Variants in ABCC4 observed in about 807,000 individuals in gnomAD.
The protein encoded by ABCC4 is ATP binding cassette subfamily C member 4 (PEL blood group).
In ABCC4, 102 loss-of-function variants were observed where a neutral mutation model predicts 168.5. That is an observed-to-expected ratio of 0.61 (90% confidence interval 0.52 to 0.71). The LOEUF (loss-of-function observed/expected upper bound fraction) is 0.71. Ranked by LOEUF, ABCC4 falls within the 30% of genes least tolerant of loss-of-function variation. The pLI is 0.00. For synonymous variants in ABCC4, 617 were observed against 590.7 expected (o/e 1.04, Z -0.65); for missense variants, 1,402 against 1,605.8 (o/e 0.87, Z 2.17).
At position 95,161,335 on chromosome 13, in the gene ABCC4, C is replaced by G. The variant is rs1387188027; in HGVS notation, c.2309G>C (p.Gly770Ala). Reference protein sequence around the residue: ...DLNWYLGIYSGLTVATVLFGI... With the variant: ...DLNWYLGIYSALTVATVLFGI... ...AAAAAGAACGGTAGCTACAGTTAAA[C>G]CTGAAATAAAGAAATATCACTTAGA... Residue 770 changes from glycine to alanine, a missense_variant and splice_region_variant, in exon 19 of 31, where the codon GGT becomes GCT. Around this residue, in one of 3 missense-constraint regions of ABCC4, gnomAD observed 1,007 missense variants for 1,127.3 expected, o/e 0.89. Transcript: ENST00000645237. 5.7e-6 allele frequency: 9 copies of G among 1,571,716 alleles called. No individual in the cohort carries two copies. Among genetic ancestry groups the G allele is most frequent in the Non-Finnish European group, 7.7e-6 (9 of 1,164,414 alleles).
chr13:95,193,256 C>T (rs1320492719), intron 9 of ABCC4, among the ~76,000 whole-genome samples: 1 of 152,226 alleles, frequency 6.6e-6, no homozygotes, highest in Non-Finnish European at 1.5e-5. Context: ...CTCCAGCAAA[C>T]TACGCTACAA....
rs1354272380 is a variant in ABCC4 at position 95,029,984 on chromosome 13, T to TGTCTATCCATCC, written c.3870+4620_3870+4621insGGATGGATAGAC. On this transcript the variant is annotated intron_variant, in intron 30 of 30. Transcript: ENST00000645237. ...ATCCAGGATGTCAGGACTTCTTGTC[T>TGTCTATCCATCC]ATCTATCCATCCATCCATCCATCCA... Among the ~76,000 whole-genome samples, 508 of 85,692 alleles carry TGTCTATCCATCC rather than the reference T, an allele frequency of 5.9e-3. 5 individuals are homozygous for TGTCTATCCATCC. Among genetic ancestry groups the TGTCTATCCATCC allele is most frequent in the African/African-American group, 0.018 (480 of 26,164 alleles). The allele number at this position is 85,692 out of a possible 152,430, so 56.2% of individuals were successfully genotyped here.
At chr13:95,139,502 C>A (rs2036247162) in intron 19 of ABCC4, among the ~76,000 whole-genome samples, 4 of 152,192 alleles carry the variant, frequency 2.6e-5, no homozygotes, top group Admixed American at 2.6e-4. Context: ...ACACCCACAG[C>A]CCCAGGAGCC....
At chr13:95,234,517 G>T in intron 4 of ABCC4, 93 bp downstream of exon 4, 1 of 1,029,208 alleles carries the variant, frequency 9.7e-7, no homozygotes, top group Non-Finnish European at 1.5e-6. Flanking sequence ...GAGTGCAGTG[G>T]CTATTTATGC....
chr13:95,166,518 T>C (rs2037277409), intron 14 of ABCC4, 151 bp from the exon 15 acceptor site: 1 of 668,520 alleles, frequency 1.5e-6, no homozygotes, highest in Non-Finnish European at 2.5e-6. Context: ...CAATTCAACT[T>C]GATACACAAC....
At position 95,247,549 on chromosome 13, in the gene ABCC4, G is replaced by A. The variant is rs565623635; in HGVS notation, c.185+94C>T. ...ACACATATTCACCTTAAGGGTAAAC[G>A]GAGGCTCCAGACAGGACCCAGGAAG... is the stretch of plus-strand genomic sequence containing the variant. On this transcript the variant is annotated intron_variant, in intron 2 of 30. Transcript: ENST00000645237. 2.5e-5 allele frequency: 23 copies of A among 905,422 alleles called. No homozygotes were observed. In the East Asian group the frequency reaches 2.7e-4, roughly 11 times the overall value. 56.1% of individuals were successfully genotyped at this position (905,422 alleles called of 1,614,324 possible).
At chr13:95,159,516 G>C (rs1269576743) in intron 19 of ABCC4, among the ~76,000 whole-genome samples, 2 of 152,118 alleles carry the variant, frequency 1.3e-5, no homozygotes, top group Non-Finnish European at 1.5e-5. Flanking sequence ...TCAGCATGAG[G>C]AGAAGCCCAC....
chr13:95,080,725 G>A (rs1041277172), intron 21 of ABCC4, among the ~76,000 whole-genome samples: 16 of 152,094 alleles, frequency 1.1e-4, no homozygotes, highest in African/African-American at 3.1e-4. Flanking sequence ...CACCCACCTC[G>A]GCCTCCCAAA....
intron 1 of ABCC4, among the ~76,000 whole-genome samples, chr13:95,290,113 T>C (rs866053846): frequency 5.4e-5 from 8 of 149,016 alleles, no homozygotes; most frequent in African/African-American, 1.2e-4. Context: ...AATAGATAGA[T>C]AGATAGATAG....
At chr13:95,285,260 A>T (rs2041231443) in intron 1 of ABCC4, among the ~76,000 whole-genome samples, 1 of 151,736 alleles carries the variant, frequency 6.6e-6, no homozygotes, top group South Asian at 2.1e-4. Flanking sequence ...AAATAAATAA[A>T]TAAATAGGGG....
chr13:95,268,883 C>T (rs964460085), intron 1 of ABCC4, among the ~76,000 whole-genome samples: 14 of 152,042 alleles, frequency 9.2e-5, no homozygotes, highest in Non-Finnish European at 1.8e-4. Context: ...TTCTGAGCGG[C>T]GGTCCCCTGG....
chr13:95,085,850 A>G (rs1375929069), intron 20 of ABCC4, among the ~76,000 whole-genome samples: 1 of 152,164 alleles, frequency 6.6e-6, no homozygotes, highest in Admixed American at 6.5e-5. Flanking sequence ...CTTCACTCTC[A>G]TATCTAAATA....
At chr13:95,027,479 C>A (rs1227932292) in intron 30 of ABCC4, among the ~76,000 whole-genome samples, 1 of 152,170 alleles carries the variant, frequency 6.6e-6, no homozygotes, top group Non-Finnish European at 1.5e-5. Context: ...GATTCCACAG[C>A]ACCACTAGTG....
intron 13 of ABCC4, among the ~76,000 whole-genome samples, chr13:95,172,359 A>C (rs2037505354): frequency 6.6e-6 from 1 of 152,190 alleles, no homozygotes; most frequent in Non-Finnish European, 1.5e-5. Flanking sequence ...AGGCAGACAG[A>C]TCACTTGAGG....
chr13:95,110,273 C>T (rs2035158276), intron 20 of ABCC4, among the ~76,000 whole-genome samples: 2 of 142,552 alleles, frequency 1.4e-5, no homozygotes, highest in South Asian at 4.4e-4. Flanking sequence ...CGCCCCACTG[C>T]ACTCCAGCCT....
chr13:95,086,028 C>G (rs937564145), intron 20 of ABCC4, among the ~76,000 whole-genome samples: 3 of 149,516 alleles, frequency 2.0e-5, no homozygotes, highest in Non-Finnish European at 4.4e-5. Flanking sequence ...CATTTAATAC[C>G]GAAATATATC....
At chr13:95,081,720 G>A (rs2034101396) in intron 21 of ABCC4, among the ~76,000 whole-genome samples, 1 of 152,130 alleles carries the variant, frequency 6.6e-6, no homozygotes, top group Non-Finnish European at 1.5e-5. Context: ...TTCACTGTTG[G>A]CCAGGTGCAG....
intron 20 of ABCC4, among the ~76,000 whole-genome samples, chr13:95,102,725 T>C (rs1213242442): frequency 6.6e-6 from 1 of 151,408 alleles, no homozygotes; most frequent in African/African-American, 2.4e-5. Flanking sequence ...ATTCAAGCAA[T>C]TCTCCCTGCC....
intron 8 of ABCC4, among the ~76,000 whole-genome samples, chr13:95,198,411 C>T (rs1365721312): frequency 4.6e-5 from 7 of 152,154 alleles, no homozygotes; most frequent in Non-Finnish European, 7.3e-5. Context: ...CAATGAGATA[C>T]CATCTCACAC....
Sources: allele counts gnomAD v4.1 joint callset (sites outside exome capture counted in the v4.1 genomes callset), GRCh38; gene constraint gnomAD v4.1.1; regional missense constraint gnomAD v4.1.1; transcripts MANE v1.5; gene names NCBI Gene and HGNC (gene_info 2026-07-23, HGNC 2026-07-21).